Variants in COLEC12 observed in about 807,000 individuals in gnomAD.
COLEC12 encodes the protein collectin-12.
Under a neutral mutation model 71.1 loss-of-function variants are expected in COLEC12, and 33 were observed. The observed-to-expected ratio is 0.46, with a 90% confidence interval of 0.35 to 0.62. The LOEUF is 0.62. Ranked by LOEUF, COLEC12 falls within the 20% of genes least tolerant of loss-of-function variation. The pLI is 0.00. For synonymous variants in COLEC12, 350 were observed against 353.0 expected (o/e 0.99, Z 0.10); for missense variants, 765 against 916.1 (o/e 0.84, Z 2.13).
chr18:470,921 C>T (rs72853172), intron 2 of COLEC12, among the ~76,000 whole-genome samples: 2,245 of 152,274 alleles, frequency 0.015, 55 homozygotes, highest in Non-Finnish European at 0.015. Context: ...AGAATGAGAA[C>T]GACATGTTAG....
In COLEC12 at chr18:412,664, A is replaced by G. The variant is rs1267654179; in HGVS notation, c.59-55142T>C. Among the ~76,000 whole-genome samples the G allele has an allele frequency of 2.6e-5, 4 of 152,180 alleles. No individual in the cohort carries two copies. The East Asian group carries it at 7.7e-4, about 29-fold the overall frequency. On this transcript the variant is annotated intron_variant, in intron 2 of 9. Transcript: ENST00000400256. ...TCTTAATGTATATAGGTAAATTTAAAGACAAACATATTATAAATGGAAAGG... is the reference window on the plus strand; with the variant it reads ...TCTTAATGTATATAGGTAAATTTAAGGACAAACATATTATAAATGGAAAGG...
chr18:383,410 T>C (rs2143567818), intron 2 of COLEC12, among the ~76,000 whole-genome samples: 1 of 152,178 alleles, frequency 6.6e-6, no homozygotes, highest in South Asian at 2.1e-4. Context: ...GAGATGTATG[T>C]GCCCAACTCC....
chr18:460,131 A>T (rs115953658), intron 2 of COLEC12, among the ~76,000 whole-genome samples: 1 of 152,158 alleles, frequency 6.6e-6, no homozygotes, highest in South Asian at 2.1e-4. Flanking sequence ...TAAAACAGTA[A>T]GAACGTTTTT....
chr18:395,016 G>C (rs1940441), intron 2 of COLEC12, among the ~76,000 whole-genome samples: 45,773 of 152,116 alleles, frequency 0.3, 7,152 homozygotes, highest in East Asian at 0.43. Context: ...ACAGTGATAG[G>C]AATTAGAGGT....
At chr18:335,757 C>A (rs529491499) in intron 5 of COLEC12, among the ~76,000 whole-genome samples, 461 of 151,396 alleles carry the variant, frequency 3.0e-3, no homozygotes, top group African/African-American at 9.9e-3. Flanking sequence ...GTGTATATGG[C>A]AGCCCAAGCA....
At chr18:383,347 T>C (rs1408041359) in intron 2 of COLEC12, among the ~76,000 whole-genome samples, 1 of 152,100 alleles carries the variant, frequency 6.6e-6, no homozygotes, top group Non-Finnish European at 1.5e-5. Flanking sequence ...AGTGATTTGG[T>C]GCTGTTAATA....
chr18:441,076 G>A (rs1160685695), intron 2 of COLEC12, among the ~76,000 whole-genome samples: 1 of 127,920 alleles, frequency 7.8e-6, no homozygotes, highest in Admixed American at 9.0e-5. Flanking sequence ...GTGAAACCCT[G>A]TCTCTACTAA....
chr18:492,499 G>T (rs1431855907), intron 1 of COLEC12, among the ~76,000 whole-genome samples: 1 of 152,140 alleles, frequency 6.6e-6, no homozygotes, highest in Non-Finnish European at 1.5e-5. Context: ...ATCATTCATA[G>T]GTGATTATGG....
intron 5 of COLEC12, among the ~76,000 whole-genome samples, chr18:345,123 C>A (rs1483229019): frequency 6.6e-6 from 1 of 152,210 alleles, no homozygotes; most frequent in Non-Finnish European, 1.5e-5. Flanking sequence ...TTCTGATGCC[C>A]TGAAATTCTC....
chr18:334,386 G>A (rs1221776114), intron 6 of COLEC12: 2 of 160,506 alleles, frequency 1.2e-5, no homozygotes, highest in African/African-American at 4.8e-5. Flanking sequence ...CCAGCACTTT[G>A]GGAGACTAAG....
At chr18:351,168 C>T (rs1265202895) in intron 3 of COLEC12, among the ~76,000 whole-genome samples, 1 of 152,084 alleles carries the variant, frequency 6.6e-6, no homozygotes, top group African/African-American at 2.4e-5. Context: ...TGGAATTGTC[C>T]CTGGAGAAGC....
chr18:364,419 C>T (rs944738385), intron 2 of COLEC12, among the ~76,000 whole-genome samples: 2 of 152,174 alleles, frequency 1.3e-5, no homozygotes, highest in African/African-American at 4.8e-5. Flanking sequence ...AATCCTTGCT[C>T]ACTGGGGAGC....
intron 2 of COLEC12, among the ~76,000 whole-genome samples, chr18:364,473 T>C (rs1040755566): frequency 6.6e-6 from 1 of 152,212 alleles, no homozygotes; most frequent in African/African-American, 2.4e-5. Flanking sequence ...AGCTGGCCCC[T>C]TCCTCTTGGC....
chr18:341,948 C>T (rs1914261945), intron 5 of COLEC12, among the ~76,000 whole-genome samples: 2 of 152,136 alleles, frequency 1.3e-5, no homozygotes, highest in Admixed American at 1.3e-4. Context: ...AGAGGAACAG[C>T]CCAGGAGGTG....
At position 468,653 on chromosome 18, in the gene COLEC12, T is replaced by G. The variant is rs555052274; in HGVS notation, c.58+12054A>C. ...TTTGTCTTTCTCTCTTAGTAAATAA[T>G]GAGCATTTATGGAGTACCTTTTAAG... On this transcript the variant is annotated intron_variant, in intron 2 of 9. Transcript: ENST00000400256. 1.1e-3 allele frequency among the ~76,000 whole-genome samples: 161 copies of G among 152,220 alleles called. 1 individual carries two copies. Among genetic ancestry groups the G allele is most frequent in the Non-Finnish European group, 1.9e-3 (130 of 68,048 alleles).
At chr18:388,996 T>C (rs1175165778) in intron 2 of COLEC12, among the ~76,000 whole-genome samples, 1 of 152,012 alleles carries the variant, frequency 6.6e-6, no homozygotes, top group Admixed American at 6.6e-5. Context: ...CTACATCAGG[T>C]GTGGGAAGGA....
chr18:351,512 C>G (rs564067548), intron 3 of COLEC12, among the ~76,000 whole-genome samples: 17 of 152,266 alleles, frequency 1.1e-4, no homozygotes, highest in African/African-American at 4.1e-4. Context: ...TTCCTCTTAG[C>G]TCAGTGTGTG....
At chr18:367,991 C>A (rs987080770) in intron 2 of COLEC12, among the ~76,000 whole-genome samples, 1 of 152,014 alleles carries the variant, frequency 6.6e-6, no homozygotes, top group African/African-American at 2.4e-5. Context: ...TTTCATGGGG[C>A]AGACAGCTAT....
In COLEC12 at chr18:318,024, T is replaced by TGC; in HGVS notation, c.*2020_*2021insGC. 1 of 150,594 alleles carries TGC rather than the reference T, an allele frequency of 6.6e-6. No individual in the cohort carries two copies. The highest frequency in any genetic ancestry group is 6.6e-5 in the Admixed American group (1 of 15,136). The allele number at this position is 150,594 out of a possible 1,614,324, so 9.3% of individuals were successfully genotyped here. ...ATGAGTCTCGCTCTGTCGCCCAGGC[T>TGC]GGAGTGCAGTGGCGCGATCTCGGCT... On this transcript the variant is annotated 3_prime_UTR_variant, in exon 10 of 10. Transcript: ENST00000400256.
Sources: allele counts gnomAD v4.1 joint callset (sites outside exome capture counted in the v4.1 genomes callset), GRCh38; gene constraint gnomAD v4.1.1; transcripts MANE v1.5; gene names NCBI Gene and HGNC (gene_info 2026-07-23, HGNC 2026-07-21).